Variants in ROBO1 observed in about 807,000 individuals in gnomAD.
ROBO1 encodes roundabout homolog 1.
A neutral mutation model predicts 195.9 loss-of-function variants in ROBO1; 149 were observed. The ratio of observed to expected loss-of-function variants is 0.76; its 90% CI spans 0.67 to 0.87. ROBO1 has a LOEUF of 0.87. Ranked by LOEUF, ROBO1 falls within the 40% of genes least tolerant of loss-of-function variation. ROBO1 has a pLI of 0.00. For missense variants in ROBO1, 1,933 were observed against 2,068.3 expected, an observed-to-expected ratio of 0.93 and a Z score of 1.27; for synonymous variants, 816 against 733.2, an observed-to-expected ratio of 1.11 and a Z score of -1.82.
chr3:79,197,884 T>G (rs1452285605), intron 2 of ROBO1, among the ~76,000 whole-genome samples: 1 of 86,844 alleles, frequency 1.2e-5, no homozygotes, highest in Non-Finnish European at 2.3e-5. Context: ...TTTTGATGGG[T>G]TTTTTTTTTT....
intron 1 of ROBO1, among the ~76,000 whole-genome samples, chr3:79,750,516 G>A (rs192284045): frequency 3.9e-5 from 6 of 152,160 alleles, no homozygotes; most frequent in South Asian, 2.1e-4. Context: ...AACATGAATT[G>A]TAACTCCCAC....
At chr3:78,711,435 C>A (rs1248020266) in intron 8 of ROBO1, among the ~76,000 whole-genome samples, 1 of 114,528 alleles carries the variant, frequency 8.7e-6, no homozygotes, top group East Asian at 2.4e-4. Context: ...TTCTTTCTTT[C>A]TTTCTTTCCT....
intron 2 of ROBO1, among the ~76,000 whole-genome samples, chr3:79,411,312 T>G (rs1248924554): frequency 6.6e-6 from 1 of 152,140 alleles, no homozygotes; most frequent in Admixed American, 6.6e-5. Context: ...AAAATAGTGG[T>G]TTTTGACATT....
intron 2 of ROBO1, among the ~76,000 whole-genome samples, chr3:79,345,806 G>C (rs1219580968): frequency 6.6e-6 from 1 of 152,076 alleles, no homozygotes; most frequent in Non-Finnish European, 1.5e-5. Context: ...TTTCAGCTTT[G>C]AACAGTTTAT....
chr3:78,769,618 G>T (rs73113467), intron 4 of ROBO1, among the ~76,000 whole-genome samples: 858 of 83,738 alleles, frequency 0.01, 34 homozygotes, highest in East Asian at 0.029. Flanking sequence ...GTGTACTTTG[G>T]TTTTTTTTTT....
chr3:79,716,969 T>C (rs915003336), intron 1 of ROBO1, among the ~76,000 whole-genome samples: 1 of 151,982 alleles, frequency 6.6e-6, no homozygotes, highest in Admixed American at 6.6e-5. Flanking sequence ...AGTAACTACA[T>C]ACCTAATCAT....
intron 1 of ROBO1, among the ~76,000 whole-genome samples, chr3:79,636,843 C>T (rs946122963): frequency 3.3e-5 from 5 of 152,080 alleles, no homozygotes; most frequent in South Asian, 2.1e-4. Context: ...ATGACTGAAA[C>T]GTGTTAGCTG....
intron 2 of ROBO1, among the ~76,000 whole-genome samples, chr3:79,502,586 C>T (rs1252111090): frequency 6.6e-6 from 1 of 152,204 alleles, no homozygotes; most frequent in Admixed American, 6.5e-5. Flanking sequence ...CCATCCACTG[C>T]CCAAGGGCTG....
chr3:79,464,566 A>G (rs1231470797), intron 2 of ROBO1, among the ~76,000 whole-genome samples: 1 of 152,208 alleles, frequency 6.6e-6, no homozygotes, highest in African/African-American at 2.4e-5. Context: ...TCTTTAGAAA[A>G]ACATCTATTC....
chr3:78,931,711 A>G (rs576898839), intron 4 of ROBO1, among the ~76,000 whole-genome samples: 2 of 152,180 alleles, frequency 1.3e-5, no homozygotes, highest in Non-Finnish European at 2.9e-5. Context: ...TATGCCTATA[A>G]TCACAGCACT....
intron 2 of ROBO1, among the ~76,000 whole-genome samples, chr3:79,322,222 C>T (rs1247011730): frequency 1.3e-5 from 2 of 152,096 alleles, no homozygotes; most frequent in Non-Finnish European, 2.9e-5. Context: ...TATGGTAATA[C>T]AAATAGTATA....
At chr3:79,660,190 A>C (rs1259569035) in intron 1 of ROBO1, among the ~76,000 whole-genome samples, 5 of 151,970 alleles carry the variant, frequency 3.3e-5, no homozygotes, top group African/African-American at 1.2e-4. Context: ...AGAGATGTGG[A>C]AGTAAGCCCC....
chr3:79,620,775 C>T (rs532150673), intron 1 of ROBO1, among the ~76,000 whole-genome samples: 1 of 152,096 alleles, frequency 6.6e-6, no homozygotes, highest in East Asian at 1.9e-4. Flanking sequence ...AATCTAATCA[C>T]CCTTACCCCA....
chr3:79,160,968 T>C (rs2080949544), intron 2 of ROBO1, among the ~76,000 whole-genome samples: 1 of 152,084 alleles, frequency 6.6e-6, no homozygotes, highest in South Asian at 2.1e-4. Context: ...CCTCATGAGA[T>C]AATTTTCCGA....
At position 79,230,165 on chromosome 3, in the gene ROBO1, G is replaced by A. The variant is rs80048788; in HGVS notation, c.89-104626C>T. ...ACCCATAAATGCATGTCACTTTTTGGCCTATCCAAATTCATCCTATGTCTT... is the reference window on the plus strand; with the variant it reads ...ACCCATAAATGCATGTCACTTTTTGACCTATCCAAATTCATCCTATGTCTT... On this transcript the variant is annotated intron_variant, in intron 2 of 30. Transcript: ENST00000464233. 1.8e-4 allele frequency among the ~76,000 whole-genome samples: 27 copies of A among 151,976 alleles called. No homozygotes were observed. In the East Asian group the frequency reaches 3.9e-3, roughly 22 times the overall value.
intron 1 of ROBO1, among the ~76,000 whole-genome samples, chr3:79,645,035 C>A (rs939257039): frequency 6.6e-6 from 1 of 151,726 alleles, no homozygotes; most frequent in Non-Finnish European, 1.5e-5. Context: ...TACAACATAC[C>A]CAAATCTTTA....
chr3:78,606,584 A>C lies in ROBO1; in HGVS notation c.4744+149T>G. 8 of 755,662 alleles carry C rather than the reference A, an allele frequency of 1.1e-5. No individual in the cohort carries two copies. In the South Asian group the frequency reaches 1.4e-4, roughly 13 times the overall value. 46.8% of individuals were successfully genotyped at this position (755,662 alleles called of 1,614,324 possible). A position where few individuals can be genotyped will look rare whatever the true frequency, so the allele number is the denominator to read the frequency against. On this transcript the variant is annotated intron_variant, in intron 29 of 30. Transcript: ENST00000464233. Reference sequence around the variant, plus strand: ...AAAGGCATATACTGGAGTGAACTGTATTAAAATTATTCGAGTACATGCCTA... The same window carrying C: ...AAAGGCATATACTGGAGTGAACTGTCTTAAAATTATTCGAGTACATGCCTA...
Position 79,414,179 on chromosome 3 carries a change from C to G in ROBO1, c.88+175645G>C, listed in dbSNP as rs180882055. 2.9e-3 allele frequency among the ~76,000 whole-genome samples: 436 copies of G among 151,502 alleles called. 2 individuals carry two copies. Among genetic ancestry groups the G allele is most frequent in the African/African-American group, 9.2e-3 (378 of 41,172 alleles). On this transcript the variant is annotated intron_variant, in intron 2 of 30. Coordinates refer to ENST00000464233, the MANE Select transcript of ROBO1 (RefSeq NM_002941.4). ...TAGAGAACTTCACACATTATATTAA[C>G]AGTCTCTCTCTCTCTCTCTTTCTCT...
intron 1 of ROBO1, among the ~76,000 whole-genome samples, chr3:79,727,127 G>A (rs541766803): frequency 2.9e-4 from 44 of 152,274 alleles, no homozygotes; most frequent in African/African-American, 1.0e-3. Context: ...AGCAAGGATG[G>A]GAAGAACTCA....
Sources: gnomAD v4.1 joint callset for allele counts (sites outside exome capture counted in the v4.1 genomes callset) on GRCh38, gnomAD v4.1.1 for gene constraint, MANE v1.5 for transcripts, NCBI Gene and HGNC (gene_info 2026-07-23, HGNC 2026-07-21) for gene names.